SETBP1: variants seen among roughly 807,000 people sequenced by gnomAD.
The protein encoded by SETBP1 is SET binding protein 1.
Under a neutral mutation model 101.0 loss-of-function variants are expected in SETBP1, and 9 were observed. The observed-to-expected ratio is 0.09, with a 90% CI of 0.05 to 0.16. SETBP1 has a LOEUF of 0.16. Ranked by LOEUF, SETBP1 falls within the 10% of genes least tolerant of loss-of-function variation. SETBP1 has a pLI of 1.00. For missense variants in SETBP1, 1,858 were observed against 2,033.8 expected (o/e 0.91, Z 1.66); for synonymous variants, 818 against 788.5 (o/e 1.04, Z -0.63).
intron 2 of SETBP1, among the ~76,000 whole-genome samples, chr18:44,749,304 C>G (rs1418499006): frequency 6.6e-6 from 1 of 152,212 alleles, no homozygotes; most frequent in Non-Finnish European, 1.5e-5. Flanking sequence ...AAGTGATACT[C>G]TGGCCTTCAG....
rs1491234307 is a variant in SETBP1 at position 44,941,076 on chromosome 18, ACT to A, written c.541-8804_541-8803del. 5.3e-3 allele frequency among the ~76,000 whole-genome samples: 668 copies of A among 124,924 alleles called. 6 individuals are homozygous for A. Among genetic ancestry groups the A allele is most frequent in the African/African-American group, 0.018 (617 of 33,998 alleles). 82.0% of individuals were successfully genotyped at this position (124,924 alleles called of 152,430 possible). On this transcript the variant is annotated intron_variant, in intron 3 of 5. Transcript: ENST00000649279. ...TATATTCTAATTAATGAGAAGTCAG[ACT>A]TTTTTTTTTTTTTTTTTTTTTTGAG...
At chr18:44,768,354 C>T (rs957264573) in intron 2 of SETBP1, among the ~76,000 whole-genome samples, 4 of 152,002 alleles carry the variant, frequency 2.6e-5, no homozygotes, top group African/African-American at 9.7e-5. Context: ...ATACTTAAAA[C>T]CTTATTAAAT....
intron 3 of SETBP1, among the ~76,000 whole-genome samples, chr18:44,940,744 G>T (rs1379485177): frequency 6.6e-6 from 1 of 152,064 alleles, no homozygotes; most frequent in East Asian, 1.9e-4. Context: ...GAAGTCACTT[G>T]TCTTTTAACA....
chr18:44,991,062 T>G (rs2072363216), intron 4 of SETBP1, among the ~76,000 whole-genome samples: 1 of 150,620 alleles, frequency 6.6e-6, no homozygotes, highest in African/African-American at 2.4e-5. Flanking sequence ...ACCAACATAG[T>G]GAAACCGTGT....
chr18:44,801,486 A>C (rs1394601405), intron 2 of SETBP1, among the ~76,000 whole-genome samples: 1 of 152,136 alleles, frequency 6.6e-6, no homozygotes, highest in Non-Finnish European at 1.5e-5. Flanking sequence ...AAAGTCATCC[A>C]GTTGAAGTGT....
At chr18:45,062,202 A>G (rs2073901143) in intron 5 of SETBP1, among the ~76,000 whole-genome samples, 1 of 152,266 alleles carries the variant, frequency 6.6e-6, no homozygotes, top group Admixed American at 6.5e-5. Context: ...GCAGCAGCGC[A>G]GGACTTCCTG....
At chr18:44,837,411 T>G (rs1599198765) in intron 2 of SETBP1, among the ~76,000 whole-genome samples, 1 of 152,352 alleles carries the variant, frequency 6.6e-6, no homozygotes, top group Middle Eastern at 3.4e-3. Context: ...TTAAATACCT[T>G]TATAAATGTA....
chr18:44,995,529 T>TTTTTTGTGTG (rs894181469), intron 4 of SETBP1, among the ~76,000 whole-genome samples: 1 of 142,876 alleles, frequency 7.0e-6, no homozygotes, highest in African/African-American at 2.6e-5. Context: ...GTCCAGGCTT[T>TTTTTTGTGTG]TGTGTGTGTG....
At chr18:44,680,493 G>A (rs1266874809), upstream of SETBP1, 1 of 152,066 alleles carries the variant, frequency 6.6e-6, no homozygotes, top group Non-Finnish European at 1.5e-5. Flanking sequence ...CGACGTGTGT[G>A]CCCTGCATGC....
intron 3 of SETBP1, among the ~76,000 whole-genome samples, chr18:44,882,761 T>C (rs1384863151): frequency 6.6e-6 from 1 of 152,142 alleles, no homozygotes; most frequent in East Asian, 1.9e-4. Context: ...CAGATTAGCA[T>C]GGCAGGGCTC....
chr18:45,013,660 G>A (rs1034990219), intron 4 of SETBP1, among the ~76,000 whole-genome samples: 4 of 152,064 alleles, frequency 2.6e-5, no homozygotes, highest in South Asian at 2.1e-4. Flanking sequence ...GACTGGTCTC[G>A]AACTCCTGAC....
chr18:44,919,668 T>C (rs1053557976), intron 3 of SETBP1, among the ~76,000 whole-genome samples: 4 of 151,798 alleles, frequency 2.6e-5, no homozygotes, highest in Admixed American at 6.6e-5. Flanking sequence ...GTCTTTAAGC[T>C]TGTCCCCATA....
intron 4 of SETBP1, among the ~76,000 whole-genome samples, chr18:45,015,237 G>T (rs1049031382): frequency 2.0e-5 from 3 of 152,196 alleles, no homozygotes; most frequent in African/African-American, 7.2e-5. Flanking sequence ...CTCAAAAGTC[G>T]TATTTCCACT....
chr18:44,808,907 A>G (rs992621600), intron 2 of SETBP1, among the ~76,000 whole-genome samples: 1 of 152,234 alleles, frequency 6.6e-6, no homozygotes, highest in Non-Finnish European at 1.5e-5. Context: ...CCAATTGGAT[A>G]CAAATCTCAC....
chr18:44,892,122 G>A (rs1384804921), intron 3 of SETBP1, among the ~76,000 whole-genome samples: 11 of 152,166 alleles, frequency 7.2e-5, no homozygotes. Context: ...TTGGGCATGA[G>A]AGGAGGAGTG....
intron 5 of SETBP1, among the ~76,000 whole-genome samples, chr18:45,053,484 A>G (rs1488131488): frequency 6.6e-6 from 1 of 152,224 alleles, no homozygotes; most frequent in Non-Finnish European, 1.5e-5. Context: ...TTGTCTGGAG[A>G]CACAGAACTG....
chr18:44,826,939 A>G (rs1048919310), intron 2 of SETBP1, among the ~76,000 whole-genome samples: 3 of 152,184 alleles, frequency 2.0e-5, no homozygotes, highest in Non-Finnish European at 2.9e-5. Context: ...AAAGGGCCAC[A>G]GAGGGAAACT....
intron 2 of SETBP1, among the ~76,000 whole-genome samples, chr18:44,815,254 T>G (rs1333481290): frequency 1.3e-5 from 2 of 152,252 alleles, no homozygotes; most frequent in Non-Finnish European, 2.9e-5. Context: ...GAAACAAAGT[T>G]AGACCGCACA....
rs2145097105 is a variant in SETBP1 at position 44,950,668 on chromosome 18, T to G, written c.1328T>G (p.Met443Arg). The G allele has an allele frequency of 6.2e-7, 1 of 1,614,148 alleles. No homozygotes were observed. The highest frequency in any genetic ancestry group is 2.2e-5 in the East Asian group (1 of 44,866). ...PEKALASGIT[M>R]SSEVVNRILS... is the part of the protein sequence containing the mutation. ...AAAGCCTTGGCTTCTGGAATCACCA[T>G]GAGCAGTGAAGTAGTTAACAGGATA... Residue 443 changes from methionine (M) to arginine (R), a missense_variant, in exon 4 of 6, where the codon ATG (methionine) becomes AGG (arginine). By Grantham distance (91) the Met-to-Arg change is moderately conservative. Coordinates refer to ENST00000649279, the MANE Select transcript of SETBP1 (RefSeq NM_015559.3).
Sources: gnomAD v4.1 joint callset for allele counts (sites outside exome capture counted in the v4.1 genomes callset) on GRCh38, gnomAD v4.1.1 for gene constraint, MANE v1.5 for transcripts, NCBI Gene and HGNC (gene_info 2026-07-23, HGNC 2026-07-21) for gene names.